Variants in ZNF385D observed in about 807,000 individuals in gnomAD.
ZNF385D encodes zinc finger protein 385D.
ZNF385D carries 15 observed loss-of-function variants against 35.8 expected under a neutral mutation model. The observed-to-expected ratio is 0.42, with a 90% confidence interval of 0.28 to 0.64. The LOEUF (loss-of-function observed/expected upper bound fraction) is 0.64, where lower values mean the gene tolerates loss of function less well. Ranked by LOEUF, ZNF385D falls within the 30% of genes least tolerant of loss-of-function variation. The probability of loss-of-function intolerance (pLI) is 0.23; values close to 1 mark genes in which losing one functional copy is unlikely to be tolerated. For missense variants in ZNF385D, 474 were observed against 494.6 expected, an observed-to-expected ratio of 0.96 and a Z score of 0.39; for synonymous variants, 212 against 186.8, an observed-to-expected ratio of 1.13 and a Z score of -1.10.
chr3:21,882,402 A>G (rs1418240206), intron 3 of ZNF385D, among the ~76,000 whole-genome samples: 1 of 127,142 alleles, frequency 7.9e-6, no homozygotes, highest in Non-Finnish European at 1.7e-5. Flanking sequence ...TAGTAATAAA[A>G]TATGTTTAAA....
chr3:22,163,663 G>C (rs1706117994), intron 3 of ZNF385D, among the ~76,000 whole-genome samples: 1 of 152,040 alleles, frequency 6.6e-6, no homozygotes, highest in Non-Finnish European at 1.5e-5. Context: ...AATCCCATAT[G>C]CATTATTTTA....
chr3:21,780,170 C>T (rs2071435228), intron 3 of ZNF385D, among the ~76,000 whole-genome samples: 1 of 152,128 alleles, frequency 6.6e-6, no homozygotes, highest in Non-Finnish European at 1.5e-5. Flanking sequence ...CAAACCCTTA[C>T]ATAACATTTA....
At chr3:22,043,467 T>C (rs183192257) in intron 3 of ZNF385D, among the ~76,000 whole-genome samples, 1 of 151,968 alleles carries the variant, frequency 6.6e-6, no homozygotes, top group African/African-American at 2.4e-5. Flanking sequence ...GAAAGTATAA[T>C]TATCAAATTT....
intron 2 of ZNF385D, among the ~76,000 whole-genome samples, chr3:22,288,063 T>G (rs902280808): frequency 5.9e-5 from 9 of 152,134 alleles, no homozygotes; most frequent in African/African-American, 2.2e-4. Flanking sequence ...TTTCTCTCAG[T>G]ATTCTGAAAT....
At chr3:21,751,989 C>G (rs2070113290), upstream of ZNF385D, among the ~76,000 whole-genome samples, 1 of 137,872 alleles carries the variant, frequency 7.3e-6, no homozygotes, top group African/African-American at 2.7e-5. Flanking sequence ...TATAATATAG[C>G]CACACACACA....
At chr3:22,258,111 G>T (rs1342152060) in intron 2 of ZNF385D, among the ~76,000 whole-genome samples, 1 of 151,768 alleles carries the variant, frequency 6.6e-6, no homozygotes, top group Non-Finnish European at 1.5e-5. Context: ...TAATTTGAGA[G>T]TGAGGGGAGA....
intron 3 of ZNF385D, among the ~76,000 whole-genome samples, chr3:21,766,816 A>G (rs992809453): frequency 6.6e-6 from 1 of 152,050 alleles, no homozygotes; most frequent in Non-Finnish European, 1.5e-5. Flanking sequence ...AAGAGCACCT[A>G]GTTAAAATTG....
chr3:22,099,376 T>C (rs1316500876), intron 3 of ZNF385D, among the ~76,000 whole-genome samples: 1 of 152,134 alleles, frequency 6.6e-6, no homozygotes, highest in African/African-American at 2.4e-5. Context: ...CAGGTATGGA[T>C]ACTGTAAATA....
At chr3:22,131,497 G>C (rs1703784778) in intron 3 of ZNF385D, among the ~76,000 whole-genome samples, 2 of 152,106 alleles carry the variant, frequency 1.3e-5, no homozygotes, top group African/African-American at 2.4e-5. Context: ...TAAAAGAATA[G>C]TGTATTTTCA....
chr3:21,937,192 A>AT lies in ZNF385D; in HGVS notation c.325+231624dup, dbSNP rs60555908. ...ATCAAAGTATAGTATGATATACACT[A>AT]TTTTTTTTTCACAGATGAAAGGCCC... On this transcript the variant is annotated intron_variant, in intron 3 of 5. Transcript: ENST00000494108. Among the ~76,000 whole-genome samples the AT allele has an allele frequency of 2.6e-3, 398 of 151,400 alleles. 3 individuals carry two copies. The highest frequency in any genetic ancestry group is 8.1e-3 in the African/African-American group (333 of 41,292).
At chr3:21,802,553 T>TC (rs2072453533) in intron 3 of ZNF385D, among the ~76,000 whole-genome samples, 1 of 140,414 alleles carries the variant, frequency 7.1e-6, no homozygotes, top group East Asian at 2.0e-4. Flanking sequence ...CTACATTGAT[T>TC]TAAAAAAAAA....
At position 22,153,983 on chromosome 3, in the gene ZNF385D, C is replaced by G. The variant is rs528851802; in HGVS notation, c.325+14834G>C. Among the ~76,000 whole-genome samples the G allele has an allele frequency of 3.3e-4, 51 of 152,262 alleles. No homozygotes were observed. In the South Asian group the frequency reaches 0.011, roughly 32 times the overall value. ...TTCACATGTTCCCATTTAGATAACT[C>G]ATCACCTTTAGTTTTAGCATCCAGT... is the stretch of plus-strand genomic sequence containing the variant. On this transcript the variant is annotated intron_variant, in intron 3 of 5. Transcript: ENST00000494108.
chr3:22,007,006 G>A (rs901879204), intron 3 of ZNF385D, among the ~76,000 whole-genome samples: 3 of 152,062 alleles, frequency 2.0e-5, no homozygotes, highest in African/African-American at 7.2e-5. Context: ...AACTGGTGAT[G>A]TTGTCAATTT....
intron 2 of ZNF385D, among the ~76,000 whole-genome samples, chr3:22,185,670 C>A (rs763467487): frequency 1.3e-5 from 2 of 152,138 alleles, no homozygotes; most frequent in Admixed American, 1.3e-4. Context: ...GATTCACCAT[C>A]TTGGCCAGGC....
chr3:21,766,451 A>G (rs1056680275), intron 3 of ZNF385D, among the ~76,000 whole-genome samples: 2 of 152,128 alleles, frequency 1.3e-5, no homozygotes, highest in Non-Finnish European at 2.9e-5. Context: ...GCACGGTCAG[A>G]ACACATTTTA....
intron 1 of ZNF385D, among the ~76,000 whole-genome samples, chr3:21,685,307 G>A (rs1179912003): frequency 6.6e-6 from 1 of 152,234 alleles, no homozygotes; most frequent in East Asian, 1.9e-4. Flanking sequence ...ACTTGCCTTG[G>A]TGACAAGAAT....
chr3:21,524,815 G>C (rs1708126312), intron 3 of ZNF385D, among the ~76,000 whole-genome samples: 1 of 152,116 alleles, frequency 6.6e-6, no homozygotes, highest in African/African-American at 2.4e-5. Flanking sequence ...GGCAGGATGG[G>C]GGTATTAATC....
At chr3:22,028,897 C>G (rs1697735692) in intron 3 of ZNF385D, among the ~76,000 whole-genome samples, 1 of 152,078 alleles carries the variant, frequency 6.6e-6, no homozygotes, top group Non-Finnish European at 1.5e-5. Context: ...GCAAAGTTCT[C>G]TAGAAGACCA....
chr3:21,581,499 A>AAAAC (rs1213814259), intron 2 of ZNF385D, among the ~76,000 whole-genome samples: 4 of 152,182 alleles, frequency 2.6e-5, no homozygotes, highest in African/African-American at 9.6e-5. Context: ...TATTTATCTT[A>AAAAC]AAACAAGTGC....
Sources: allele counts gnomAD v4.1 joint callset (sites outside exome capture counted in the v4.1 genomes callset), GRCh38; gene constraint gnomAD v4.1.1; transcripts MANE v1.5; gene names NCBI Gene and HGNC (gene_info 2026-07-23, HGNC 2026-07-21).